The following HSPA4L variants were observed in gnomAD, a reference collection of about 807,000 sequenced individuals.
HSPA4L encodes the protein heat shock 70 kDa protein 4L.
HSPA4L carries 48 observed loss-of-function variants against 100.3 expected under a neutral mutation model. The ratio of observed to expected loss-of-function variants is 0.48; its 90% CI spans 0.38 to 0.61. HSPA4L has a LOEUF of 0.61. Ranked by LOEUF, HSPA4L falls within the 20% of genes least tolerant of loss-of-function variation. HSPA4L has a pLI of 0.00. For synonymous variants in HSPA4L, 319 were observed against 328.2 expected (o/e 0.97, Z 0.30); for missense variants, 886 against 988.6 (o/e 0.90, Z 1.39).
chr4:127,785,183 A>G (rs865914840), intron 1 of HSPA4L, among the ~76,000 whole-genome samples: 3 of 152,234 alleles, frequency 2.0e-5, no homozygotes, highest in African/African-American at 7.2e-5. Context: ...GTAAAGTTAG[A>G]GTGTTTATAC....
chr4:127,814,765 C>A (rs1733629225), intron 12 of HSPA4L, among the ~76,000 whole-genome samples: 1 of 152,078 alleles, frequency 6.6e-6, no homozygotes, highest in Non-Finnish European at 1.5e-5. Flanking sequence ...TGGGATTTCA[C>A]CATATTGGTC....
intron 10 of HSPA4L, among the ~76,000 whole-genome samples, chr4:127,806,469 TA>T (rs1733360359): frequency 6.6e-6 from 1 of 152,014 alleles, no homozygotes; most frequent in Non-Finnish European, 1.5e-5. Flanking sequence ...AATTATTCAC[TA>T]AAAGGATACT....
intron 10 of HSPA4L, among the ~76,000 whole-genome samples, 186 bp downstream of exon 10, chr4:127,805,979 G>T (rs1733346699): frequency 6.6e-6 from 1 of 151,804 alleles, no homozygotes; most frequent in South Asian, 2.1e-4. Context: ...TTAAATTTAT[G>T]TTTTTTATAA....
chr4:127,782,720 G>C, intron 1 of HSPA4L, 63 bp downstream of exon 1: 3 of 1,215,990 alleles, frequency 2.5e-6, no homozygotes, highest in Non-Finnish European at 3.5e-6. Context: ...CGTCCTTAAC[G>C]TTTGTCCTGT....
chr4:127,814,641 C>T (rs1733625060), intron 12 of HSPA4L, among the ~76,000 whole-genome samples: 3 of 152,148 alleles, frequency 2.0e-5, no homozygotes, highest in East Asian at 3.9e-4. Flanking sequence ...AATCTCGGCT[C>T]GTTGCAACCT....
At chr4:127,830,106 T>C (rs966476358) in intron 17 of HSPA4L, among the ~76,000 whole-genome samples, 7 of 152,148 alleles carry the variant, frequency 4.6e-5, no homozygotes, top group Non-Finnish European at 8.8e-5. Context: ...TCCAAACTAA[T>C]CCATCAGGAG....
intron 13 of HSPA4L, among the ~76,000 whole-genome samples, chr4:127,819,175 T>G (rs1041362515): frequency 1.3e-5 from 2 of 152,160 alleles, no homozygotes; most frequent in East Asian, 1.9e-4. Flanking sequence ...TGTGTAAAAA[T>G]TAATACTTTC....
In HSPA4L at chr4:127,836,279, ATGGTG is replaced by A. The variant is rs1734208449; in HGVS notation, c.*3408_*3412del. The A allele has an allele frequency of 1.3e-5, 2 of 152,728 alleles. No homozygotes were observed. Among genetic ancestry groups the A allele is most frequent in the African/African-American group, 4.8e-5 (2 of 41,492 alleles). 9.5% of individuals were successfully genotyped at this position (152,728 alleles called of 1,614,324 possible). ...CTACTCAGGAGGCTGAGGCAGGAGA[ATGGTG>A]TGAACCCAGGAGGCGGAGGTTGCAG... On this transcript the variant is annotated 3_prime_UTR_variant, in exon 19 of 19. Coordinates refer to ENST00000296464, the MANE Select transcript of HSPA4L (RefSeq NM_014278.4).
chr4:127,816,487 G>A (rs550208158), intron 12 of HSPA4L, among the ~76,000 whole-genome samples: 2 of 152,134 alleles, frequency 1.3e-5, no homozygotes, highest in South Asian at 2.1e-4. Flanking sequence ...CTGTGAACTC[G>A]GTTGTAATTC....
At chr4:127,818,240 G>A in intron 12 of HSPA4L, 85 bp from the exon 13 acceptor site, 2 of 850,200 alleles carry the variant, frequency 2.4e-6, no homozygotes, top group Non-Finnish European at 3.8e-6. Context: ...TTTCAAAACA[G>A]GCTTGAACTC....
At chr4:127,813,646 T>C (rs1733600258) in intron 12 of HSPA4L, among the ~76,000 whole-genome samples, 1 of 152,208 alleles carries the variant, frequency 6.6e-6, no homozygotes, top group South Asian at 2.1e-4. Flanking sequence ...TTATCTATTT[T>C]TTTGTTGTTG....
chr4:127,809,128 C>T (rs1036598724), intron 11 of HSPA4L: 33 of 693,128 alleles, frequency 4.8e-5, no homozygotes, highest in Non-Finnish European at 8.1e-5. Context: ...TTGTGAAGTG[C>T]TCACCATTTG....
intron 17 of HSPA4L, among the ~76,000 whole-genome samples, chr4:127,828,985 G>C (rs1281976166): frequency 6.6e-6 from 1 of 152,034 alleles, no homozygotes; most frequent in East Asian, 1.9e-4. Context: ...CATTGAACTT[G>C]TTTTTAATAT....
Position 127,833,791 on chromosome 4 carries a change from T to C in HSPA4L, c.*917T>C, listed in dbSNP as rs1734145264. ...GGGTAGGAAGAAGTGGCACAGTGTA[T>C]TGCATTATATACATTTATCATTGAT... On this transcript the variant is annotated 3_prime_UTR_variant, in exon 19 of 19. Transcript: ENST00000296464. 2 of 152,196 alleles carry C rather than the reference T, an allele frequency of 1.3e-5. No homozygotes were observed. Among genetic ancestry groups the C allele is most frequent in the African/African-American group, 4.8e-5 (2 of 41,460 alleles). 9.4% of individuals were successfully genotyped at this position (152,196 alleles called of 1,614,324 possible). A position where few individuals can be genotyped will look rare whatever the true frequency, so the allele number is the denominator to read the frequency against.
intron 1 of HSPA4L, among the ~76,000 whole-genome samples, chr4:127,787,710 A>C (rs979412851): frequency 6.6e-6 from 1 of 152,158 alleles, no homozygotes; most frequent in Non-Finnish European, 1.5e-5. Context: ...TGTTTTGGAC[A>C]TTTCAAGTTA....
chr4:127,820,493 T>G lies in HSPA4L; in HGVS notation c.1740T>G (p.Ile580Met), dbSNP rs1216696144. Residue 580 changes from isoleucine (I) to methionine (M), a missense_variant, in exon 14 of 19, where the codon ATT becomes ATG. Coordinates refer to ENST00000296464, the MANE Select transcript of HSPA4L (RefSeq NM_014278.4). ...TTAAAAAAGGAAAAGTCAAAAGTAT[T>G]GATCTACCGATCCAGAGTAGCCTAT... Reference protein sequence around the residue: ...QTLKKGKVKSIDLPIQSSLCR... With the variant: ...QTLKKGKVKSMDLPIQSSLCR... 2.5e-6 allele frequency: 4 copies of G among 1,603,218 alleles called. No individual in the cohort carries two copies. The Admixed American group carries it at 5.2e-5, about 21-fold the overall frequency.
In HSPA4L at chr4:127,811,560, A is replaced by C; in HGVS notation, c.1502A>C (p.Gln501Pro). ...GCTAGCGCATCAGTAATTGAGAAGC[A>C]AAATTTGGAAGGCGATCACAGTGAT... is the stretch of plus-strand genomic sequence containing the variant. ...SVASASVIEKQNLEGDHSDAP... is the reference protein window; with the variant it reads ...SVASASVIEKPNLEGDHSDAP... Residue 501 changes from glutamine to proline, a missense_variant, in exon 12 of 19, where the codon CAA becomes CCA. Gln to Pro is a moderately conservative substitution (Grantham distance 76, BLOSUM62 -1). Transcript: ENST00000296464. The C allele has an allele frequency of 1.2e-6, 2 of 1,614,088 alleles. No homozygotes were observed. The highest frequency in any genetic ancestry group is 1.7e-6 in the Non-Finnish European group (2 of 1,179,990).
At position 127,837,725 on chromosome 4, in the gene HSPA4L, T is replaced by G. The variant is rs1213756529; in HGVS notation, c.*4851T>G. 3 of 152,200 alleles carry G rather than the reference T, an allele frequency of 2.0e-5. No individual in the cohort carries two copies. In the South Asian group the frequency reaches 6.2e-4, roughly 31 times the overall value. The allele number at this position is 152,200 out of a possible 1,614,324, so 9.4% of individuals were successfully genotyped here. ...TTAATGCAGATCAAAGACCAAGGCT[T>G]GTAACCAAAACAAGCAAAAAGAAAC... is the stretch of plus-strand genomic sequence containing the variant. On this transcript the variant is annotated 3_prime_UTR_variant, in exon 19 of 19. Coordinates refer to ENST00000296464, the MANE Select transcript of HSPA4L (RefSeq NM_014278.4).
At chr4:127,809,071 G>C (rs932072110) in intron 11 of HSPA4L, 1 of 562,086 alleles carries the variant, frequency 1.8e-6, no homozygotes, top group African/African-American at 1.9e-5. Flanking sequence ...TGAAGGTGAG[G>C]GCGATTGGAA....
Sources: gnomAD v4.1 joint callset for allele counts (sites outside exome capture counted in the v4.1 genomes callset) on GRCh38, gnomAD v4.1.1 for gene constraint, MANE v1.5 for transcripts, NCBI Gene and HGNC (gene_info 2026-07-23, HGNC 2026-07-21) for gene names.